BBS4: variants seen among roughly 807,000 people sequenced by gnomAD.
The protein encoded by BBS4 is BBSome complex member BBS4.
Under a neutral mutation model 71.4 loss-of-function variants are expected in BBS4, and 58 were observed. That is an observed-to-expected ratio of 0.81 (90% CI 0.66 to 1.01). The LOEUF (loss-of-function observed/expected upper bound fraction) is 1.01. Ranked by LOEUF, BBS4 falls within the 50% of genes least tolerant of loss-of-function variation. The pLI, the probability that BBS4 is intolerant of heterozygous loss-of-function variation, is 0.00. For missense variants in BBS4, 660 were observed against 607.9 expected, an observed-to-expected ratio of 1.09 and a Z score of -0.90; for synonymous variants, 228 against 216.8, an observed-to-expected ratio of 1.05 and a Z score of -0.46.
At chr15:72,737,189 A>T in intron 15 of BBS4, 1 of 626,726 alleles carries the variant, frequency 1.6e-6, no homozygotes, top group Non-Finnish European at 2.8e-6. Flanking sequence ...GATGGTCTAT[A>T]CACTGGTCTT....
intron 1 of BBS4, among the ~76,000 whole-genome samples, chr15:72,694,313 C>T (rs1029274726): frequency 1.3e-5 from 2 of 151,856 alleles, no homozygotes; most frequent in South Asian, 4.2e-4. Context: ...GCCTCAGCCT[C>T]CCAAGTAGCT....
At chr15:72,721,322 G>T (rs2065571940) in intron 6 of BBS4, among the ~76,000 whole-genome samples, 1 of 152,198 alleles carries the variant, frequency 6.6e-6, no homozygotes, top group African/African-American at 2.4e-5. Context: ...GGAAACATTT[G>T]TGGATAAAAC....
At chr15:72,729,836 A>C in intron 10 of BBS4, 152 bp downstream of exon 10, 1 of 673,804 alleles carries the variant, frequency 1.5e-6, no homozygotes, top group Non-Finnish European at 2.6e-6. Flanking sequence ...TTCTTATTTG[A>C]AAATAGTGTC....
At chr15:72,711,472 C>G (rs2065371223) in intron 3 of BBS4, among the ~76,000 whole-genome samples, 1 of 152,098 alleles carries the variant, frequency 6.6e-6, no homozygotes, top group Non-Finnish European at 1.5e-5. Context: ...TTGAAAGGTT[C>G]TCTTTCTTTT....
At chr15:72,736,494 C>T (rs186380977) in intron 14 of BBS4, among the ~76,000 whole-genome samples, 2 of 152,230 alleles carry the variant, frequency 1.3e-5, no homozygotes, top group East Asian at 3.9e-4. Context: ...CGTGCCCAGC[C>T]CTATTTCACT....
chr15:72,729,653 A>T lies in BBS4; in HGVS notation c.680A>T (p.Asn227Ile). The T allele has an allele frequency of 6.2e-7, 1 of 1,614,124 alleles. No homozygotes were observed. Among genetic ancestry groups the T allele is most frequent in the Non-Finnish European group, 8.5e-7 (1 of 1,179,998 alleles). Residue 227 changes from asparagine (N) to isoleucine (I), a missense_variant, in exon 10 of 16, where the codon AAT (asparagine) becomes ATT (isoleucine). Transcript: ENST00000268057. Reference sequence around the variant, plus strand: ...CAGAAGGCATTTGAACATCTTGGCAATGCACTGACTTATGACCCTACCAAC... The same window carrying T: ...CAGAAGGCATTTGAACATCTTGGCATTGCACTGACTTATGACCCTACCAAC... ...IYQKAFEHLG[N>I]ALTYDPTNYK...
chr15:72,698,065 C>G (rs1410207651), intron 2 of BBS4: 1 of 455,584 alleles, frequency 2.2e-6, no homozygotes, highest in African/African-American at 2.0e-5. Flanking sequence ...CTGCTTGAGT[C>G]TATTTTCTTC....
At chr15:72,735,294 G>A in intron 13 of BBS4, 112 bp downstream of exon 13, 1 of 812,668 alleles carries the variant, frequency 1.2e-6, no homozygotes, top group Non-Finnish European at 2.1e-6. Context: ...TTCCTCTATG[G>A]CATTAGTACA....
At chr15:72,690,302 CTA>C (rs1339210817) in intron 1 of BBS4, among the ~76,000 whole-genome samples, 1 of 152,068 alleles carries the variant, frequency 6.6e-6, no homozygotes, top group Non-Finnish European at 1.5e-5. Context: ...GATCATAAAA[CTA>C]TATAAAAATG....
intron 5 of BBS4, among the ~76,000 whole-genome samples, chr15:72,716,345 G>A (rs572252058): frequency 6.6e-6 from 1 of 152,246 alleles, no homozygotes; most frequent in East Asian, 1.9e-4. Flanking sequence ...CATAGAGCTT[G>A]GTTTTCCCTG....
In BBS4 at chr15:72,736,850, A is replaced by C. The variant is rs745492948; in HGVS notation, c.1337A>C (p.Lys446Thr). The C allele has an allele frequency of 1.2e-6, 2 of 1,614,202 alleles. No individual in the cohort carries two copies. Among genetic ancestry groups the C allele is most frequent in the Non-Finnish European group, 1.7e-6 (2 of 1,180,034 alleles). ...AAACCAGTTAAAGATCCCAAATCAA[A>C]GCACCAGACCACTTCAACCAGCAAA... ...WTKPVKDPKS[K>T]HQTTSTSKPA... is the part of the protein sequence containing the mutation. The change falls in exon 15 of 16, where the codon AAG (lysine) becomes ACG (threonine). Residue 446 changes from lysine to threonine, a missense_variant. Physicochemically the swap from Lys to Thr is moderately conservative, Grantham distance 78 (BLOSUM62 -1). Coordinates refer to ENST00000268057, the MANE Select transcript of BBS4 (RefSeq NM_033028.5).
intron 1 of BBS4, among the ~76,000 whole-genome samples, chr15:72,690,405 C>G (rs1020226378): frequency 1.3e-5 from 2 of 152,102 alleles, no homozygotes; most frequent in Non-Finnish European, 2.9e-5. Context: ...TCAAAATGTT[C>G]TGGAAAGTCT....
intron 2 of BBS4, among the ~76,000 whole-genome samples, chr15:72,707,933 A>G (rs527465024): frequency 2.0e-5 from 3 of 151,074 alleles, no homozygotes; most frequent in Non-Finnish European, 4.4e-5. Context: ...GTGTTTAACT[A>G]TTTAAAATAT....
At position 72,731,730 on chromosome 15, in the gene BBS4, A is replaced by T. The variant is rs1392001625; in HGVS notation, c.1036+4A>T. 2.5e-6 allele frequency: 4 copies of T among 1,614,158 alleles called. No homozygotes were observed. The highest frequency in any genetic ancestry group is 1.7e-5 in the Admixed American group (1 of 60,034). On this transcript the variant is annotated splice_donor_region_variant and intron_variant, in intron 12 of 15. Transcript: ENST00000268057. ...GAGCTCTACATGCTCTTGGCAGGTAAGAAACATTTATGTGGAAAACTCTCT... is the reference window on the plus strand; with the variant it reads ...GAGCTCTACATGCTCTTGGCAGGTATGAAACATTTATGTGGAAAACTCTCT...
intron 6 of BBS4, 62 bp downstream of exon 6, chr15:72,716,912 C>T (rs2065477884): frequency 8.5e-7 from 1 of 1,176,648 alleles, no homozygotes; most frequent in African/African-American, 1.5e-5. Context: ...CATTTATCAT[C>T]TGGCTGTCTT....
intron 2 of BBS4, among the ~76,000 whole-genome samples, chr15:72,696,024 C>G (rs1054122638): frequency 6.6e-6 from 1 of 152,144 alleles, no homozygotes. Context: ...TATATACTTA[C>G]AATTACAGAT....
At position 72,692,611 on chromosome 15, in the gene BBS4, CTGTT is replaced by C. The variant is rs571896609; in HGVS notation, c.25-2556_25-2553del. 1.4e-3 allele frequency among the ~76,000 whole-genome samples: 206 copies of C among 150,326 alleles called. 2 individuals carry two copies. Among genetic ancestry groups the C allele is most frequent in the Middle Eastern group, 3.4e-3 (1 of 290 alleles). On this transcript the variant is annotated intron_variant, in intron 1 of 15. Coordinates refer to ENST00000268057, the MANE Select transcript of BBS4 (RefSeq NM_033028.5). The stretch of plus-strand genomic sequence containing the variant: ...TAGAGGTGTGAGCCACCACACCTGG[CTGTT>C]TGTTTGTTTTGAGCCTGTTCCTCAG...
chr15:72,710,247 C>T (rs2065344202), intron 3 of BBS4, among the ~76,000 whole-genome samples: 1 of 119,978 alleles, frequency 8.3e-6, no homozygotes, highest in South Asian at 2.8e-4. Flanking sequence ...GTCACCTAGG[C>T]TGGAGTGCAG....
chr15:72,688,417 T>TTTTTTTTTTTTTTTTTTTTTG, intron 1 of BBS4, among the ~76,000 whole-genome samples: 1 of 129,046 alleles, frequency 7.7e-6, no homozygotes, highest in Non-Finnish European at 1.6e-5. Flanking sequence ...TTATCTTTTT[T>TTTTTTTTTTTTTTTTTTTTTG]TTTTTTTTTT....
Sources: allele counts gnomAD v4.1 joint callset (sites outside exome capture counted in the v4.1 genomes callset), GRCh38; gene constraint gnomAD v4.1.1; transcripts MANE v1.5; gene names NCBI Gene and HGNC (gene_info 2026-07-23, HGNC 2026-07-21).